Variants in ZBTB17 observed in about 807,000 individuals in gnomAD.
The protein encoded by ZBTB17 is zinc finger and BTB domain containing 17, also known as zinc finger and BTB domain-containing protein 17.
ZBTB17 carries 24 observed loss-of-function variants against 85.1 expected under a neutral mutation model. The observed-to-expected ratio is 0.28, with a 90% confidence interval of 0.20 to 0.40. The LOEUF (loss-of-function observed/expected upper bound fraction) is 0.40, where lower values mean the gene tolerates loss of function less well. ZBTB17 is among the 10% of genes least tolerant of loss of function. The pLI, the probability that ZBTB17 is intolerant of heterozygous loss-of-function variation, is 1.00. For synonymous variants in ZBTB17, 464 were observed against 460.2 expected, an observed-to-expected ratio of 1.01 and a Z score of -0.11; for missense variants, 743 against 1,105.1, an observed-to-expected ratio of 0.67 and a Z score of 4.65.
At chr1:15,944,038 TC>T in intron 9 of ZBTB17, 143 bp from the exon 10 acceptor site, 1 of 981,666 alleles carries the variant, frequency 1.0e-6, no homozygotes, top group Non-Finnish European at 1.6e-6. Flanking sequence ...TCAGGAGAGG[TC>T]CCAGGTCCCA....
At chr1:15,962,733 A>G (rs2072303878) in intron 2 of ZBTB17, among the ~76,000 whole-genome samples, 1 of 152,228 alleles carries the variant, frequency 6.6e-6, no homozygotes. Context: ...TCACAGGCAC[A>G]TAACAATCTC....
rs771813340 is a variant in ZBTB17 at position 15,942,642 on chromosome 1, C to G, written c.1925G>C (p.Gly642Ala). ...HVKTVHQGKA[G>A]IKILEPEEGS... ...CTCCTCGGGCTCCAGGATCTTGATG[C>G]CTGCCTTGCCCTGGTGCACGGTCTT... The change falls in exon 14 of 16, where the codon GGC becomes GCC. Residue 642 changes from glycine (G) to alanine (A), a missense_variant. Physicochemically the swap from Gly to Ala is moderately conservative, Grantham distance 60 (BLOSUM62 0). Around this residue, in one of 4 missense-constraint regions of ZBTB17, gnomAD observed 321 missense variants for 615.7 expected, o/e 0.52. Transcript: ENST00000375743. 7 of 1,613,548 alleles carry G rather than the reference C, an allele frequency of 4.3e-6. No individual in the cohort carries two copies. In the Admixed American group the frequency reaches 6.7e-5, roughly 15 times the overall value.
rs1372563838 is a variant in ZBTB17 at position 15,964,547 on chromosome 1, GTC to G, written c.-3+8490_-3+8491del. The stretch of plus-strand genomic sequence containing the variant: ...AGCTTGGGCTACATGGTGAAACCCT[GTC>G]TCTACAAAAAAGACAAAAATAGCTG... On this transcript the variant is annotated intron_variant, in intron 2 of 15. Coordinates refer to ENST00000375743, the MANE Select transcript of ZBTB17 (RefSeq NM_003443.3). This position sits in a 1 kb window ranked among gnomAD's most constrained non-coding sequence, Gnocchi z 4.3. 2.0e-5 allele frequency among the ~76,000 whole-genome samples: 3 copies of G among 151,982 alleles called. No homozygotes were observed. The highest frequency in any genetic ancestry group is 7.2e-5 in the African/African-American group (3 of 41,380).
chr1:15,942,839 A>T, intron 13 of ZBTB17, 101 bp from the exon 14 acceptor site: 1 of 1,446,210 alleles, frequency 6.9e-7, no homozygotes, highest in African/African-American at 1.4e-5. Context: ...TGTCTTTTAC[A>T]GCAGGAGGTG....
In ZBTB17 at chr1:15,966,944, A is replaced by C. The variant is rs1053952711; in HGVS notation, c.-3+6095T>G. Among the ~76,000 whole-genome samples, 2 of 150,456 alleles carry C rather than the reference A, an allele frequency of 1.3e-5. No homozygotes were observed. Among genetic ancestry groups the C allele is most frequent in the Non-Finnish European group, 3.0e-5 (2 of 67,522 alleles). On this transcript the variant is annotated intron_variant, in intron 2 of 15. Coordinates refer to ENST00000375743, the MANE Select transcript of ZBTB17 (RefSeq NM_003443.3). The surrounding 1 kb of genome is among the most constrained non-coding windows in gnomAD (Gnocchi z 4.1). ...TAATTAATTAATTAATTAAAAAACAAAAAAAAAAGCCGTGGCCAGCAAAAG... is the reference window on the plus strand; with the variant it reads ...TAATTAATTAATTAATTAAAAAACACAAAAAAAAGCCGTGGCCAGCAAAAG...
At chr1:15,945,904 T>C (rs1374729297) in intron 5 of ZBTB17, 64 bp from the exon 6 acceptor site, 2 of 1,565,300 alleles carry the variant, frequency 1.3e-6, no homozygotes, top group Non-Finnish European at 1.7e-6. Context: ...ATACCTCTCC[T>C]GGACCAGCGC....
chr1:15,946,524 T>C, intron 4 of ZBTB17, among the ~76,000 whole-genome samples: 1 of 152,334 alleles, frequency 6.6e-6, no homozygotes, highest in South Asian at 2.1e-4. Flanking sequence ...GTGTGGGACA[T>C]GCAGACCCCA....
In ZBTB17 at chr1:15,943,285, G is replaced by C; in HGVS notation, c.1698-91C>G. ...AGACTGAAAAGGACCCCTAGGACCA[G>C]AGCCTGGGGCGTGGGCAGCAGTCAG... On this transcript the variant is annotated intron_variant, in intron 12 of 15. Transcript: ENST00000375743. The C allele has an allele frequency of 5.6e-6, 9 of 1,601,576 alleles. No individual in the cohort carries two copies. The South Asian group carries it at 7.7e-5, about 14-fold the overall frequency.
chr1:15,949,515 C>T (rs969670349), intron 2 of ZBTB17, among the ~76,000 whole-genome samples: 3 of 152,240 alleles, frequency 2.0e-5, no homozygotes, highest in Non-Finnish European at 2.9e-5. Context: ...CACGCCCTGG[C>T]CCAGGATCTG....
intron 3 of ZBTB17, chr1:15,947,326 G>A: frequency 6.7e-6 from 4 of 593,630 alleles, no homozygotes; most frequent in South Asian, 2.2e-5. Context: ...AGAAGTGCTC[G>A]CTGAGGGTCT....
At chr1:15,969,905 T>C (rs2072582979) in intron 2 of ZBTB17, 8 of 635,508 alleles carry the variant, frequency 1.3e-5, no homozygotes, top group African/African-American at 9.0e-5. Flanking sequence ...CAGCTAGGAC[T>C]CTGGAGTCAG....
At chr1:15,975,871 TCCCTC>T in intron 1 of ZBTB17, 107 bp downstream of exon 1, 1 of 418,150 alleles carries the variant, frequency 2.4e-6, no homozygotes, top group South Asian at 1.7e-5. Flanking sequence ...CCATTCCACT[TCCCTC>T]CCCTCCCCCA....
At chr1:15,945,694 G>C (rs1342512250) in intron 6 of ZBTB17, 21 bp downstream of exon 6, 6 of 1,605,958 alleles carry the variant, frequency 3.7e-6, no homozygotes, top group Non-Finnish European at 5.1e-6. Flanking sequence ...GTAGGGCCTG[G>C]TCCTGGCTGG....
intron 1 of ZBTB17, 114 bp downstream of exon 1, chr1:15,975,869 C>T: frequency 1.6e-6 from 1 of 611,660 alleles, no homozygotes; most frequent in Non-Finnish European, 3.0e-6. Context: ...TCCCATTCCA[C>T]TTCCCTCCCC....
Position 15,946,310 on chromosome 1 carries a change from G to A in ZBTB17, c.395-16C>T. 6.2e-7 allele frequency: 1 copy of A among 1,600,642 alleles called. No individual in the cohort carries two copies. Among genetic ancestry groups the A allele is most frequent in the African/African-American group, 1.3e-5 (1 of 74,804 alleles). On this transcript the variant is annotated splice_polypyrimidine_tract_variant and intron_variant, in intron 4 of 15. Coordinates refer to ENST00000375743, the MANE Select transcript of ZBTB17 (RefSeq NM_003443.3). ...TTGTCCCCTCCTGGAGATGGAACAG[G>A]GCAGACCTGCCGTTTCCCATCAAGT... is the stretch of plus-strand genomic sequence containing the variant.
chr1:15,943,761 G>A (rs1358174359), intron 10 of ZBTB17, 46 bp from the exon 11 acceptor site: 2 of 1,612,662 alleles, frequency 1.2e-6, no homozygotes, highest in Non-Finnish European at 1.7e-6. Flanking sequence ...ACCACCGGTG[G>A]CCGAGGAGCA....
rs1370898916 is a variant in ZBTB17, at chr1:15,966,415, A to G, written c.-3+6624T>C. Among the ~76,000 whole-genome samples the G allele has an allele frequency of 6.6e-6, 1 of 152,150 alleles. No homozygotes were observed. Among genetic ancestry groups the G allele is most frequent in the Non-Finnish European group, 1.5e-5 (1 of 68,004 alleles). ...TTTTTGATGTTACAATGAACCCACTAAGCCTGCTTTCTGGCCCGCTCTCCA... is the reference window on the plus strand; with the variant it reads ...TTTTTGATGTTACAATGAACCCACTGAGCCTGCTTTCTGGCCCGCTCTCCA... On this transcript the variant is annotated intron_variant, in intron 2 of 15. Coordinates refer to ENST00000375743, the MANE Select transcript of ZBTB17 (RefSeq NM_003443.3). This position sits in a 1 kb window ranked among gnomAD's most constrained non-coding sequence, Gnocchi z 4.1.
At position 15,966,212 on chromosome 1, in the gene ZBTB17, C is replaced by T. The variant is rs572092449; in HGVS notation, c.-3+6827G>A. ...ACAGAAATGAGAAGTGCTTTGCTCT[C>T]TGAGCTCTGGTGATACAGCTTCCCA... is the stretch of plus-strand genomic sequence containing the variant. On this transcript the variant is annotated intron_variant, in intron 2 of 15. Coordinates refer to ENST00000375743, the MANE Select transcript of ZBTB17 (RefSeq NM_003443.3). The surrounding 1 kb of genome is among the most constrained non-coding windows in gnomAD (Gnocchi z 4.1). 6.6e-6 allele frequency among the ~76,000 whole-genome samples: 1 copy of T among 152,310 alleles called. No homozygotes were observed. Among genetic ancestry groups the T allele is most frequent in the African/African-American group, 2.4e-5 (1 of 41,578 alleles).
intron 2 of ZBTB17, among the ~76,000 whole-genome samples, chr1:15,955,817 G>A (rs544572778): frequency 6.6e-6 from 1 of 152,216 alleles, no homozygotes; most frequent in African/African-American, 2.4e-5. Flanking sequence ...TATTAGCTGG[G>A]CGTGAGCTAT....
Sources: gnomAD v4.1 joint callset for allele counts (sites outside exome capture counted in the v4.1 genomes callset) on GRCh38, gnomAD v4.1.1 for gene constraint, gnomAD v4.1.1 regional missense constraint, Gnocchi (gnomAD v3.1) non-coding constraint, MANE v1.5 for transcripts, NCBI Gene and HGNC (gene_info 2026-07-23, HGNC 2026-07-21) for gene names.